STPG2: variants seen among roughly 807,000 people sequenced by gnomAD.
STPG2 encodes the protein sperm tail PG-rich repeat containing 2, also known as sperm-tail PG-rich repeat-containing protein 2.
In STPG2, 56 loss-of-function variants were observed where a neutral mutation model predicts 54.2. That is an observed-to-expected ratio of 1.03 (90% CI 0.83 to 1.29). The LOEUF is 1.29. STPG2 is among the 50% of genes most tolerant of loss of function. The pLI is 0.00. For synonymous variants in STPG2, 200 were observed against 181.8 expected, an observed-to-expected ratio of 1.10 and a Z score of -0.81; for missense variants, 596 against 544.9, an observed-to-expected ratio of 1.09 and a Z score of -0.93.
At chr4:97,591,692 A>C (rs891338004) in intron 10 of STPG2, among the ~76,000 whole-genome samples, 3 of 152,136 alleles carry the variant, frequency 2.0e-5, no homozygotes, top group African/African-American at 7.2e-5. Context: ...CTGCAACCAA[A>C]TTGGTTTTCT....
At chr4:97,964,700 C>T (rs970699627) in intron 7 of STPG2, among the ~76,000 whole-genome samples, 20 of 152,246 alleles carry the variant, frequency 1.3e-4, no homozygotes, top group African/African-American at 4.8e-4. Context: ...AATTGTTACA[C>T]ATATTTTTTC....
intron 4 of STPG2, among the ~76,000 whole-genome samples, chr4:97,538,312 CTAA>C: frequency 6.6e-6 from 1 of 152,200 alleles, no homozygotes; most frequent in East Asian, 1.9e-4. Flanking sequence ...AGATGAATGG[CTAA>C]TGAGAACAAC....
chr4:97,901,908 T>C (rs1578670376), intron 8 of STPG2, among the ~76,000 whole-genome samples: 1 of 151,998 alleles, frequency 6.6e-6, no homozygotes, highest in African/African-American at 2.4e-5. Flanking sequence ...TTATTTCAAA[T>C]ATATTATAAA....
chr4:98,033,114 A>AAC (rs145295939), intron 5 of STPG2, among the ~76,000 whole-genome samples: 10 of 64,942 alleles, frequency 1.5e-4, no homozygotes, highest in African/African-American at 4.6e-4. Context: ...AGAAGATAGA[A>AAC]ACACACACAC....
At chr4:97,516,193 T>G (rs1731071817) in intron 4 of STPG2, among the ~76,000 whole-genome samples, 1 of 152,128 alleles carries the variant, frequency 6.6e-6, no homozygotes, top group African/African-American at 2.4e-5. Flanking sequence ...CAGTTCATTT[T>G]TCAGTGAAAG....
chr4:97,802,059 C>G (rs913746697), intron 9 of STPG2, among the ~76,000 whole-genome samples: 6 of 152,140 alleles, frequency 3.9e-5, no homozygotes, highest in Admixed American at 3.9e-4. Flanking sequence ...AGGTAAGCGT[C>G]TAAGAATTTG....
intron 8 of STPG2, among the ~76,000 whole-genome samples, chr4:97,890,732 T>A (rs1730737262): frequency 6.6e-6 from 1 of 151,896 alleles, no homozygotes. Context: ...GTGATAGCTA[T>A]CCCAGTTACC....
chr4:97,556,763 T>G (rs549705663), downstream of STPG2, among the ~76,000 whole-genome samples: 1 of 152,264 alleles, frequency 6.6e-6, no homozygotes, highest in Non-Finnish European at 1.5e-5. Flanking sequence ...GGAATAAAAT[T>G]AAAAGTCTCT....
Position 97,946,998 on chromosome 4 carries a change from A to G in STPG2, c.934-2991T>C, listed in dbSNP as rs189175946. Among the ~76,000 whole-genome samples the G allele has an allele frequency of 2.7e-3, 409 of 152,286 alleles. 3 individuals carry two copies. The highest frequency in any genetic ancestry group is 9.3e-3 in the African/African-American group (385 of 41,562). ...TGCTTTGGGCAGTATGGTCATTTTC[A>G]TAATATTGATTCTTGCAATCCGTGA... On this transcript the variant is annotated intron_variant, in intron 7 of 10. Transcript: ENST00000295268.
chr4:98,087,456 C>T (rs560147081), intron 5 of STPG2, among the ~76,000 whole-genome samples: 1 of 152,204 alleles, frequency 6.6e-6, no homozygotes, highest in Non-Finnish European at 1.5e-5. Flanking sequence ...TTTTCTACTT[C>T]TACTCAAAAT....
intron 8 of STPG2, among the ~76,000 whole-genome samples, chr4:97,898,850 C>T (rs1053667468): frequency 6.6e-5 from 10 of 151,380 alleles, no homozygotes; most frequent in African/African-American, 2.4e-4. Flanking sequence ...ACATTTTACA[C>T]ATATAAAAAT....
chr4:97,918,431 G>C lies in STPG2; in HGVS notation c.1044+25466C>G, dbSNP rs539081209. Among the ~76,000 whole-genome samples the C allele has an allele frequency of 1.6e-4, 25 of 152,098 alleles. No homozygotes were observed. In the South Asian group the frequency reaches 5.2e-3, roughly 32 times the overall value. ...TCTATATATCACAAAGTGATGATGG[G>C]TCATTACTTTCACACACACATACAC... On this transcript the variant is annotated intron_variant, in intron 8 of 10. Coordinates refer to ENST00000295268, the MANE Select transcript of STPG2 (RefSeq NM_174952.3).
intron 10 of STPG2, among the ~76,000 whole-genome samples, chr4:97,641,808 A>C (rs1459478212): frequency 6.6e-6 from 1 of 151,530 alleles, no homozygotes. Flanking sequence ...TCTCCTAAGA[A>C]GTGTTTGCTA....
intron 10 of STPG2, among the ~76,000 whole-genome samples, chr4:97,642,346 T>C (rs1721789070): frequency 6.6e-6 from 1 of 151,348 alleles, no homozygotes; most frequent in Non-Finnish European, 1.5e-5. Flanking sequence ...CTAATATTTT[T>C]AGTATCACAT....
At chr4:97,785,437 T>C (rs1428972494) in intron 9 of STPG2, among the ~76,000 whole-genome samples, 1 of 152,070 alleles carries the variant, frequency 6.6e-6, no homozygotes, top group East Asian at 1.9e-4. Context: ...TTCATGTCAT[T>C]GATATAAGTT....
intron 1 of STPG2, among the ~76,000 whole-genome samples, chr4:98,141,058 A>ATT (rs34311136): frequency 2.0e-5 from 3 of 151,656 alleles, no homozygotes; most frequent in Non-Finnish European, 2.9e-5. Context: ...CTAAGCTCTG[A>ATT]TTTTTTTTAT....
intron 8 of STPG2, among the ~76,000 whole-genome samples, chr4:97,858,032 A>G (rs13131874): frequency 0.24 from 37,112 of 151,900 alleles, 5,298 homozygotes; most frequent in Middle Eastern, 0.36. Context: ...ACAATAAAGC[A>G]TACCTCCAAG....
chr4:97,525,564 G>A (rs1380711131), intron 4 of STPG2, among the ~76,000 whole-genome samples: 12 of 151,850 alleles, frequency 7.9e-5, no homozygotes, highest in South Asian at 2.1e-4. Flanking sequence ...TACACTGTTC[G>A]AAGAAAAATA....
intron 9 of STPG2, among the ~76,000 whole-genome samples, chr4:97,767,891 G>A (rs1425853339): frequency 2.0e-5 from 3 of 152,186 alleles, no homozygotes; most frequent in Non-Finnish European, 4.4e-5. Context: ...GAGTTGGCCA[G>A]GCACGATGGC....
Sources: gnomAD v4.1 joint callset for allele counts (sites outside exome capture counted in the v4.1 genomes callset) on GRCh38, gnomAD v4.1.1 for gene constraint, MANE v1.5 for transcripts, NCBI Gene and HGNC (gene_info 2026-07-23, HGNC 2026-07-21) for gene names.